Variants in ZNF398 observed in about 807,000 individuals in gnomAD.
ZNF398 encodes zinc finger protein 398.
In ZNF398, 18 loss-of-function variants were observed where a neutral mutation model predicts 41.9. That is an observed-to-expected ratio of 0.43 (90% CI 0.30 to 0.64). ZNF398 has a LOEUF of 0.64. ZNF398 is among the 30% of genes least tolerant of loss of function. The probability of loss-of-function intolerance (pLI) is 0.14; values close to 1 mark genes in which losing one functional copy is unlikely to be tolerated. For synonymous variants in ZNF398, 260 were observed against 308.8 expected, an observed-to-expected ratio of 0.84 and a Z score of 1.66; for missense variants, 669 against 822.8, an observed-to-expected ratio of 0.81 and a Z score of 2.29.
At chr7:149,171,619 C>T (rs1389446356) in intron 4 of ZNF398, among the ~76,000 whole-genome samples, 2 of 151,806 alleles carry the variant, frequency 1.3e-5, no homozygotes, top group African/African-American at 2.4e-5. Flanking sequence ...ATCCACCCGC[C>T]TCTGACCTCA....
upstream of ZNF398, among the ~76,000 whole-genome samples, chr7:149,144,200 A>G (rs572994296): frequency 6.6e-6 from 1 of 152,332 alleles, no homozygotes; most frequent in South Asian, 2.1e-4. Context: ...CTTGCTTTCT[A>G]TGGAGCTCAG....
Position 149,147,840 on chromosome 7 carries a change from G to A in ZNF398, c.24+74G>A. On this transcript the variant is annotated intron_variant, in intron 1 of 5. Transcript: ENST00000475153. This position sits in a 1 kb window ranked among gnomAD's most constrained non-coding sequence, Gnocchi z 5.6. ...CGAGGGAGGAAGGCGGGCGGGCAGG[G>A]AGCTGCCAGGCATAGGCGCCGTTCT... The A allele has an allele frequency of 1.5e-6, 2 of 1,312,548 alleles. No homozygotes were observed. The highest frequency in any genetic ancestry group is 1.9e-6 in the Non-Finnish European group (2 of 1,025,772). The allele number at this position is 1,312,548 out of a possible 1,614,324, so 81.3% of individuals were successfully genotyped here.
chr7:149,173,093 ATTTTTTTTTTTTTTTTT>A (rs71192762), intron 4 of ZNF398, among the ~76,000 whole-genome samples: 2 of 64,958 alleles, frequency 3.1e-5, no homozygotes, highest in African/African-American at 1.2e-4. Flanking sequence ...GGCAATTTCT[ATTTTTTTTTTTTTTTTT>A]TTTTTTTTTT....
At chr7:149,139,042 C>G (rs938640979) in intron 2 of ZNF398, among the ~76,000 whole-genome samples, 3 of 151,962 alleles carry the variant, frequency 2.0e-5, no homozygotes, top group African/African-American at 7.3e-5. Flanking sequence ...TCCAGAGTAG[C>G]TGGGACTACA....
rs752309508 is a variant in ZNF398 at position 149,179,282 on chromosome 7, C to T, written c.1410C>T (p.Leu470=). Residue 470 remains leucine (L), a synonymous_variant, in exon 6 of 6, where the codon CTC becomes CTT. Transcript: ENST00000475153. This position sits in a 1 kb window ranked among gnomAD's most constrained non-coding sequence, Gnocchi z 6.1. ...GGAGCTTCAGCTTGAAAATCAGCCTCCTGCTCCACCAGCGGGGTCATGCAC... is the reference window on the plus strand; with the variant it reads ...GGAGCTTCAGCTTGAAAATCAGCCTTCTGCTCCACCAGCGGGGTCATGCAC... ...CGRSFSLKIS[L]LLHQRGHAQE... 13 of 1,613,168 alleles carry T rather than the reference C, an allele frequency of 8.1e-6. No individual in the cohort carries two copies. Among genetic ancestry groups the T allele is most frequent in the Non-Finnish European group, 1.0e-5 (12 of 1,180,000 alleles).
chr7:149,179,330 TCA>T lies in ZNF398; in HGVS notation c.1459_1460del (p.Gln487ValfsTer4), dbSNP rs768675381. The T allele has an allele frequency of 1.2e-6, 2 of 1,613,306 alleles. No homozygotes were observed. The highest frequency in any genetic ancestry group is 1.7e-6 in the Non-Finnish European group (2 of 1,179,978). ...CACAAGAGCGCCCTTTCTCCTGCCC[TCA>T]GTGTGGCATTGACTTCAACGGCCAC... is the stretch of plus-strand genomic sequence containing the variant. ...HAQERPFSCP[Q>X]CGIDFNGHSA... On this transcript the variant is annotated frameshift_variant, in exon 6 of 6. Transcript: ENST00000475153. LOFTEE classifies it high-confidence loss of function. The surrounding 1 kb of genome is among the most constrained non-coding windows in gnomAD (Gnocchi z 6.1).
Position 149,179,191 on chromosome 7 carries a change from C to T in ZNF398, c.1319C>T (p.Ala440Val), listed in dbSNP as rs1318034322. The stretch of plus-strand genomic sequence containing the variant: ...TGCCCCAAGCGCTTTGCTGACCAGG[C>T]TCGACTCACCAGCCACCGGAGAGCT... ...PDCPKRFADQ[A>V]RLTSHRRAHA... is the part of the protein sequence containing the mutation. Residue 440 changes from alanine to valine, a missense_variant, in exon 6 of 6, where the codon GCT becomes GTT. Transcript: ENST00000475153. This position sits in a 1 kb window ranked among gnomAD's most constrained non-coding sequence, Gnocchi z 6.1. 8 of 1,613,442 alleles carry T rather than the reference C, an allele frequency of 5.0e-6. No individual in the cohort carries two copies. In the East Asian group the frequency reaches 1.3e-4, roughly 27 times the overall value.
At position 149,182,395 on chromosome 7, in the gene ZNF398, A is replaced by C. The variant is rs1435157403; in HGVS notation, c.*2594A>C. ...TTAGAACTGCAGGCCAGTTCCAAAG[A>C]GTGTTTGCTTAAGATTCAAAAGTGG... is the stretch of plus-strand genomic sequence containing the variant. On this transcript the variant is annotated 3_prime_UTR_variant, in exon 6 of 6. Coordinates refer to ENST00000475153, the MANE Select transcript of ZNF398 (RefSeq NM_170686.3). 2 of 152,214 alleles carry C rather than the reference A, an allele frequency of 1.3e-5. No homozygotes were observed. Among genetic ancestry groups the C allele is most frequent in the Non-Finnish European group, 2.9e-5 (2 of 68,042 alleles). The allele number at this position is 152,214 out of a possible 1,614,324, so 9.4% of individuals were successfully genotyped here. A position where few individuals can be genotyped will look rare whatever the true frequency, so the allele number is the denominator to read the frequency against.
chr7:149,153,520 G>A (rs1421373843), intron 1 of ZNF398, among the ~76,000 whole-genome samples: 1 of 152,170 alleles, frequency 6.6e-6, no homozygotes, highest in Non-Finnish European at 1.5e-5. Context: ...ACTGAATGGT[G>A]TGGTTGTAGT....
chr7:149,132,711 G>C (rs1826623031), intron 2 of ZNF398, among the ~76,000 whole-genome samples: 1 of 152,122 alleles, frequency 6.6e-6, no homozygotes, highest in Admixed American at 6.6e-5. Context: ...TTTCCACTGG[G>C]CCAGTGCCAT....
Position 149,166,910 on chromosome 7 carries a change from T to G in ZNF398, c.641T>G (p.Ile214Ser). Reference protein sequence around the residue: ...EDQAGPEESEIPTDPSEEPGI... With the variant: ...EDQAGPEESESPTDPSEEPGI... ...CAGGCAGGGCCAGAGGAAAGTGAGA[T>G]TCCCACAGACCCCAGTGAAGGTAAG... Residue 214 changes from isoleucine (I) to serine (S), a missense_variant, in exon 4 of 6, where the codon ATT becomes AGT. Around this residue, in one of 3 missense-constraint regions of ZNF398, gnomAD observed 290 missense variants for 292.9 expected, o/e 0.99. Coordinates refer to ENST00000475153, the MANE Select transcript of ZNF398 (RefSeq NM_170686.3). The G allele has an allele frequency of 6.2e-7, 1 of 1,611,784 alleles. No homozygotes were observed.
chr7:149,152,653 G>A (rs1374200962), intron 1 of ZNF398, among the ~76,000 whole-genome samples: 1 of 151,210 alleles, frequency 6.6e-6, no homozygotes, highest in Non-Finnish European at 1.5e-5. Context: ...TGAAACCTCG[G>A]TCTCCTGGGT....
intron 1 of ZNF398, chr7:149,148,451 G>T: frequency 1.0e-6 from 1 of 985,552 alleles, no homozygotes; most frequent in Non-Finnish European, 1.2e-6. Flanking sequence ...AGGCCGCGGG[G>T]AAAGCACTGA....
At chr7:149,167,537 A>C (rs1795248885) in intron 4 of ZNF398, among the ~76,000 whole-genome samples, 1 of 152,198 alleles carries the variant, frequency 6.6e-6, no homozygotes, top group African/African-American at 2.4e-5. Context: ...GATGGATAGA[A>C]GCACACAGAA....
Position 149,173,414 on chromosome 7 carries a change from GTTTA to G in ZNF398, c.662-3046_662-3043del, listed in dbSNP as rs559747306. Among the ~76,000 whole-genome samples, 150 of 152,048 alleles carry G rather than the reference GTTTA, an allele frequency of 9.9e-4. 1 individual carries two copies. The highest frequency in any genetic ancestry group is 3.3e-3 in the African/African-American group (137 of 41,496). On this transcript the variant is annotated intron_variant, in intron 4 of 5. Coordinates refer to ENST00000475153, the MANE Select transcript of ZNF398 (RefSeq NM_170686.3). ...GAGCCACCATGCCTGGCTGAAATATGTTTATTTATTTTTTTGAGACAGAGTCTAG... is the reference window on the plus strand; with the variant it reads ...GAGCCACCATGCCTGGCTGAAATATGTTTATTTTTTTGAGACAGAGTCTAG...
rs79029263 is a variant in ZNF398, at chr7:149,167,466, T to C, written c.661+536T>C. ...AAGACTGCCAACCAAAGTCCAGTTTTATTGTTTCTCTCATGCCTCACCTTG... is the reference window on the plus strand; with the variant it reads ...AAGACTGCCAACCAAAGTCCAGTTTCATTGTTTCTCTCATGCCTCACCTTG... On this transcript the variant is annotated intron_variant, in intron 4 of 5. Transcript: ENST00000475153. Among the ~76,000 whole-genome samples, 1,322 of 152,316 alleles carry C rather than the reference T, an allele frequency of 8.7e-3. 9 individuals carry two copies. The highest frequency in any genetic ancestry group is 0.015 in the African/African-American group (635 of 41,556).
At chr7:149,178,608 C>T in intron 5 of ZNF398, 40 bp from the exon 6 acceptor site, 1 of 1,525,072 alleles carries the variant, frequency 6.6e-7, no homozygotes, top group Non-Finnish European at 8.9e-7. Flanking sequence ...GCTAGTGAGA[C>T]AGTTATTGAT....
chr7:149,132,951 A>G (rs1258270557), intron 2 of ZNF398, among the ~76,000 whole-genome samples: 21 of 152,046 alleles, frequency 1.4e-4, no homozygotes, highest in Admixed American at 1.3e-3. Context: ...GCTTTTTATT[A>G]AAAGGAAAGC....
Position 149,181,180 on chromosome 7 carries a change from T to A in ZNF398, c.*1379T>A, listed in dbSNP as rs1381281205. 1 of 152,646 alleles carries A rather than the reference T, an allele frequency of 6.6e-6. No individual in the cohort carries two copies. Among genetic ancestry groups the A allele is most frequent in the African/African-American group, 2.4e-5 (1 of 41,440 alleles). The allele number at this position is 152,646 out of a possible 1,614,324, so 9.5% of individuals were successfully genotyped here. ...AAAAAAAGTGAGCCTCTAGGAATTA[T>A]TCAAAAAAAGTCTGTGATACATTCC... is the stretch of plus-strand genomic sequence containing the variant. On this transcript the variant is annotated 3_prime_UTR_variant, in exon 6 of 6. Transcript: ENST00000475153.
Sources: gnomAD v4.1 joint callset for allele counts (sites outside exome capture counted in the v4.1 genomes callset) on GRCh38, gnomAD v4.1.1 for gene constraint, gnomAD v4.1.1 regional missense constraint, Gnocchi (gnomAD v3.1) non-coding constraint, MANE v1.5 for transcripts, NCBI Gene and HGNC (gene_info 2026-07-23, HGNC 2026-07-21) for gene names.